The following KCNH3 variants were observed in gnomAD, a reference collection of about 807,000 sequenced individuals.
KCNH3 encodes potassium voltage-gated channel subfamily H member 3.
Under a neutral mutation model 95.6 loss-of-function variants are expected in KCNH3, and 36 were observed. That is an observed-to-expected ratio of 0.38 (90% CI 0.29 to 0.50). KCNH3 has a LOEUF of 0.50. KCNH3 is among the 20% of genes least tolerant of loss of function. KCNH3 has a pLI of 0.95. For missense variants in KCNH3, 1,030 were observed against 1,484.1 expected, an observed-to-expected ratio of 0.69 and a Z score of 5.03; for synonymous variants, 620 against 646.3, an observed-to-expected ratio of 0.96 and a Z score of 0.62.
rs11337899 is a variant in KCNH3, at chr12:49,543,871, GCC to G, written c.824-38_824-37del. On this transcript the variant is annotated intron_variant, in intron 5 of 14. Coordinates refer to ENST00000257981, the MANE Select transcript of KCNH3 (RefSeq NM_012284.3). Reference sequence around the variant, plus strand: ...AGCAGGTGTCCAGGCAAGAGTGGCTGCCCCCCCAGCCCCAGTGCTGACTCCCA... The same window carrying G: ...AGCAGGTGTCCAGGCAAGAGTGGCTGCCCCCAGCCCCAGTGCTGACTCCCA... 1.9e-6 allele frequency: 3 copies of G among 1,578,760 alleles called. No individual in the cohort carries two copies. The African/African-American group carries it at 4.0e-5, about 21-fold the overall frequency.
At chr12:49,548,020 C>T (rs1187466997) in intron 7 of KCNH3, among the ~76,000 whole-genome samples, 2 of 152,174 alleles carry the variant, frequency 1.3e-5, no homozygotes, top group Middle Eastern at 3.2e-3. Context: ...CTACTCCATG[C>T]CAAGGCCAGG....
At position 49,555,723 on chromosome 12, in the gene KCNH3, A is replaced by C. The variant is rs1291366192; in HGVS notation, c.2240A>C (p.Asp747Ala). The change falls in exon 12 of 15, where the codon GAT (aspartate) becomes GCT (alanine). Residue 747 changes from aspartate to alanine, a missense_variant. Physicochemically the swap from Asp to Ala is moderately radical, Grantham distance 126. Transcript: ENST00000257981. ...QGPTVSPAPADEPSSPLLSPG... is the reference protein window; with the variant it reads ...QGPTVSPAPAAEPSSPLLSPG... The stretch of plus-strand genomic sequence containing the variant: ...CCCACGGTCTCCCCAGCCCCAGCTG[A>C]TGAGCCCTCCAGCCCCCTGCTGTCC... 3 of 1,612,882 alleles carry C rather than the reference A, an allele frequency of 1.9e-6. No individual in the cohort carries two copies. The highest frequency in any genetic ancestry group is 1.7e-5 in the Admixed American group (1 of 59,928).
At position 49,554,366 on chromosome 12, in the gene KCNH3, C is replaced by T; in HGVS notation, c.1948C>T (p.Pro650Ser). 6.2e-7 allele frequency: 1 copy of T among 1,613,336 alleles called. No homozygotes were observed. The highest frequency in any genetic ancestry group is 8.5e-7 in the Non-Finnish European group (1 of 1,180,030). Reference protein sequence around the residue: ...GKGDLIGCELPRREQVVKANA... With the variant: ...GKGDLIGCELSRREQVVKANA... ...GGGCGACCTGATCGGCTGTGAGCTGCCCCGGCGGGAGCAGGTGGTAAAGGC... is the reference window on the plus strand; with the variant it reads ...GGGCGACCTGATCGGCTGTGAGCTGTCCCGGCGGGAGCAGGTGGTAAAGGC... The change falls in exon 11 of 15, where the codon CCC becomes TCC. Residue 650 changes from proline to serine, a missense_variant. This residue lies in a region of KCNH3 where 160 missense variants were observed against 316.2 expected (regional missense o/e 0.51). Transcript: ENST00000257981.
chr12:49,556,248 G>A, intron 12 of KCNH3, 122 bp from the exon 13 acceptor site: 2 of 743,604 alleles, frequency 2.7e-6, no homozygotes, highest in Non-Finnish European at 4.7e-6. Context: ...CTTTCTCCTG[G>A]GCTCCTGGTC....
Position 49,548,908 on chromosome 12 carries a change from G to A in KCNH3, c.1203G>A (p.Glu401=). Residue 401 remains glutamate, a synonymous_variant, in exon 8 of 15, where the codon GAG becomes GAA. Coordinates refer to ENST00000257981, the MANE Select transcript of KCNH3 (RefSeq NM_012284.3). Reference sequence around the variant, plus strand: ...TTCCCCCCTCAGGCTGGCTGCAGGAGCTGGCCCGCCGACTGGAGACTCCCT... The same window carrying A: ...TTCCCCCCTCAGGCTGGCTGCAGGAACTGGCCCGCCGACTGGAGACTCCCT... The part of the protein sequence containing the change: ...SELPEIGWLQ[E]LARRLETPYY... 1.3e-6 allele frequency: 2 copies of A among 1,577,628 alleles called. No homozygotes were observed. Among genetic ancestry groups the A allele is most frequent in the South Asian group, 1.2e-5 (1 of 86,852 alleles).
chr12:49,554,964 G>A (rs1382796047), intron 11 of KCNH3, among the ~76,000 whole-genome samples: 1 of 152,132 alleles, frequency 6.6e-6, no homozygotes, highest in Non-Finnish European at 1.5e-5. Flanking sequence ...GTTCTGAGGG[G>A]CTTTTGAATT....
intron 7 of KCNH3, among the ~76,000 whole-genome samples, chr12:49,547,535 G>A (rs11169066): frequency 0.15 from 23,486 of 152,194 alleles, 2,413 homozygotes; most frequent in Non-Finnish European, 0.23. Flanking sequence ...CCTTCCTGCC[G>A]TGTGGCACCT....
chr12:49,550,029 T>A lies in KCNH3; in HGVS notation c.1669-51T>A, dbSNP rs754685919. 7 of 1,522,934 alleles carry A rather than the reference T, an allele frequency of 4.6e-6. No individual in the cohort carries two copies. In the African/African-American group the frequency reaches 5.4e-5, roughly 12 times the overall value. The allele number at this position is 1,522,934 out of a possible 1,614,324, so 94.3% of individuals were successfully genotyped here. A position where few individuals can be genotyped will look rare whatever the true frequency, so the allele number is the denominator to read the frequency against. Reference sequence around the variant, plus strand: ...GGAGAGGGGCTGGCTGGAGGCCACCTCCTCTTCTGCCACTCCCAACCCCCC... The same window carrying A: ...GGAGAGGGGCTGGCTGGAGGCCACCACCTCTTCTGCCACTCCCAACCCCCC... On this transcript the variant is annotated intron_variant, in intron 9 of 14. Transcript: ENST00000257981.
chr12:49,550,556 G>A lies in KCNH3; in HGVS notation c.1918+227G>A, dbSNP rs540602435. ...CGATCTCGCAGGTGTCCCTGGGGCC[G>A]AGCGAGTGGAGGGCCAGCCTTTGAA... On this transcript the variant is annotated intron_variant, in intron 10 of 14. Transcript: ENST00000257981. Among the ~76,000 whole-genome samples, 5 of 152,308 alleles carry A rather than the reference G, an allele frequency of 3.3e-5. No individual in the cohort carries two copies. In the East Asian group the frequency reaches 7.7e-4, roughly 23 times the overall value.
chr12:49,557,137 C>T (rs1309112375), intron 13 of KCNH3, 46 bp from the exon 14 acceptor site: 2 of 1,598,278 alleles, frequency 1.3e-6, no homozygotes, highest in Non-Finnish European at 1.7e-6. Flanking sequence ...AATTGCCTAT[C>T]TCCTCTTACC....
intron 5 of KCNH3, 38 bp from the exon 6 acceptor site, chr12:49,543,877 C>G (rs376939446): frequency 1.1e-5 from 17 of 1,584,876 alleles, no homozygotes; most frequent in Non-Finnish European, 1.3e-5. Context: ...GGCTGCCCCC[C>G]CAGCCCCAGT....
Position 49,542,822 on chromosome 12 carries a change from A to G in KCNH3, c.562A>G (p.Lys188Glu). 1 of 1,606,958 alleles carries G rather than the reference A, an allele frequency of 6.2e-7. No homozygotes were observed. Among genetic ancestry groups the G allele is most frequent in the Non-Finnish European group, 8.5e-7 (1 of 1,177,758 alleles). Residue 188 changes from lysine (K) to glutamate (E), a missense_variant, in exon 4 of 15, where the codon AAG becomes GAG. Physicochemically the swap from Lys to Glu is moderately conservative, Grantham distance 56 (BLOSUM62 1). Coordinates refer to ENST00000257981, the MANE Select transcript of KCNH3 (RefSeq NM_012284.3). ...GCACCTGCAGAAGCAGCCCAAGGGC[A>G]AGCACAAGCTCAATAAGGTGGGCTC... ...SGHLQKQPKG[K>E]HKLNKGVFGE... is the part of the protein sequence containing the mutation.
chr12:49,554,620 G>T (rs2138165819), intron 11 of KCNH3, 66 bp downstream of exon 11: 7 of 1,388,974 alleles, frequency 5.0e-6, no homozygotes, highest in Non-Finnish European at 7.0e-6. Flanking sequence ...AGTGGGCAGA[G>T]GCTGGGGATG....
chr12:49,549,758 C>A, intron 9 of KCNH3, 118 bp downstream of exon 9: 1 of 1,003,988 alleles, frequency 1.0e-6, no homozygotes, highest in Non-Finnish European at 1.5e-6. Flanking sequence ...TGCCTCCCTT[C>A]TCTCTTGAGG....
intron 7 of KCNH3, among the ~76,000 whole-genome samples, chr12:49,545,094 T>C (rs1325341695): frequency 6.6e-6 from 1 of 152,020 alleles, no homozygotes; most frequent in Non-Finnish European, 1.5e-5. Context: ...CTGCCAACCA[T>C]AGTTCCTCTC....
Position 49,541,000 on chromosome 12 carries a change from G to A in KCNH3, c.178G>A (p.Val60Ile). 6.2e-7 allele frequency: 1 copy of A among 1,614,148 alleles called. No individual in the cohort carries two copies. The highest frequency in any genetic ancestry group is 8.5e-7 in the Non-Finnish European group (1 of 1,180,030). ...CDLTGFSRAE[V>I]MQRGCACSFL... ...CCTCACGGGCTTCTCCCGGGCTGAG[G>A]TCATGCAGCGGGGCTGTGCCTGCTC... Residue 60 changes from valine to isoleucine, a missense_variant, in exon 2 of 15, where the codon GTC (valine) becomes ATC (isoleucine). By Grantham distance (29) the Val-to-Ile change is conservative (BLOSUM62 3). Coordinates refer to ENST00000257981, the MANE Select transcript of KCNH3 (RefSeq NM_012284.3).
chr12:49,548,726 T>G (rs975514701), intron 7 of KCNH3, among the ~76,000 whole-genome samples, 169 bp from the exon 8 acceptor site: 1 of 152,200 alleles, frequency 6.6e-6, no homozygotes, highest in South Asian at 2.1e-4. Context: ...AATGGCAGAC[T>G]CTTCTGAGGG....
chr12:49,554,533 T>C lies in KCNH3; in HGVS notation c.2115T>C (p.Gly705=). The change falls in exon 11 of 15, where the codon GGT becomes GGC. Residue 705 remains glycine, a synonymous_variant. Transcript: ENST00000257981. ...GAGGGGAGCTCAGCTACAACCTGGG[T>C]GCTGGGGGAGGCTCTGCAGAGGTGA... is the stretch of plus-strand genomic sequence containing the variant. The part of the protein sequence containing the change: ...GLRGELSYNL[G]AGGGSAEVDT... 1.2e-6 allele frequency: 2 copies of C among 1,612,968 alleles called. No homozygotes were observed. Among genetic ancestry groups the C allele is most frequent in the Non-Finnish European group, 1.7e-6 (2 of 1,179,488 alleles).
intron 12 of KCNH3, 35 bp downstream of exon 12, chr12:49,555,986 T>A: frequency 9.5e-7 from 1 of 1,050,318 alleles, no homozygotes; most frequent in Non-Finnish European, 1.4e-6. Flanking sequence ...GCAGAGATGG[T>A]GGTGATGAGG....
Sources: allele counts gnomAD v4.1 joint callset (sites outside exome capture counted in the v4.1 genomes callset), GRCh38; gene constraint gnomAD v4.1.1; regional missense constraint gnomAD v4.1.1; transcripts MANE v1.5; gene names NCBI Gene and HGNC (gene_info 2026-07-23, HGNC 2026-07-21).